The following NR3C1 variants were observed in gnomAD, a reference collection of about 807,000 sequenced individuals.
NR3C1 encodes the protein glucocorticoid receptor.
A neutral mutation model predicts 74.0 loss-of-function variants in NR3C1; 14 were observed. The observed-to-expected ratio is 0.19, with a 90% CI of 0.12 to 0.30. The LOEUF (loss-of-function observed/expected upper bound fraction) is 0.30, where lower values mean the gene tolerates loss of function less well. Ranked by LOEUF, NR3C1 falls within the 10% of genes least tolerant of loss-of-function variation. NR3C1 has a pLI of 1.00. For synonymous variants in NR3C1, 308 were observed against 332.5 expected, an observed-to-expected ratio of 0.93 and a Z score of 0.80; for missense variants, 695 against 909.8, an observed-to-expected ratio of 0.76 and a Z score of 3.04.
chr5:143,418,681 C>T (rs374774942), intron 1 of NR3C1, among the ~76,000 whole-genome samples: 46 of 152,202 alleles, frequency 3.0e-4, no homozygotes, highest in African/African-American at 1.0e-3. Context: ...AGGGAAGGCT[C>T]CTGGAGGAGG....
chr5:143,405,778 C>T (rs1407511165), upstream of NR3C1, among the ~76,000 whole-genome samples: 3 of 152,104 alleles, frequency 2.0e-5, no homozygotes, highest in African/African-American at 7.2e-5. Context: ...CCTTCTGGAC[C>T]CAGAAGGCAG....
intron 1 of NR3C1, among the ~76,000 whole-genome samples, chr5:143,423,384 G>A (rs989577610): frequency 3.9e-5 from 6 of 152,124 alleles, no homozygotes; most frequent in African/African-American, 1.4e-4. Flanking sequence ...AGAAATATAA[G>A]TCTAAACTAC....
rs749117158 is a variant in NR3C1, at chr5:143,400,462, A to G, written c.378T>C (p.Ile126=). 2.5e-6 allele frequency: 4 copies of G among 1,614,078 alleles called. No homozygotes were observed. Among genetic ancestry groups the G allele is most frequent in the East Asian group, 2.2e-5 (1 of 44,898 alleles). Residue 126 remains isoleucine, a synonymous_variant, in exon 2 of 9, where the codon ATT becomes ATC. Transcript: ENST00000394464. ...CACTGGTCGACCTATTGAGGTTTGC[A>G]ATGCTTTCTTCCAAAAGCTTTAAGT... The part of the protein sequence containing the change: ...ETDLKLLEES[I]ANLNRSTSVP...
intron 1 of NR3C1, among the ~76,000 whole-genome samples, chr5:143,422,528 G>A (rs1751290873): frequency 6.6e-6 from 1 of 152,168 alleles, no homozygotes; most frequent in African/African-American, 2.4e-5. Flanking sequence ...TTTGGGAGGT[G>A]ATTTGGTCAT....
chr5:143,364,989 G>A (rs1401942702), intron 2 of NR3C1, among the ~76,000 whole-genome samples: 2 of 152,192 alleles, frequency 1.3e-5, no homozygotes, highest in Non-Finnish European at 2.9e-5. Flanking sequence ...TTACAGGCAT[G>A]AGCCACTGTG....
intron 2 of NR3C1, among the ~76,000 whole-genome samples, chr5:143,379,246 T>C (rs1045271450): frequency 1.3e-5 from 2 of 152,214 alleles, no homozygotes; most frequent in East Asian, 3.8e-4. Context: ...GTTACATAAG[T>C]GCTTTGCATT....
At chr5:143,313,883 T>C in intron 3 of NR3C1, 119 bp downstream of exon 3, 1 of 1,025,196 alleles carries the variant, frequency 9.8e-7, no homozygotes, top group South Asian at 1.3e-5. Context: ...CACCCTCCTC[T>C]CCCCTCTTAA....
At position 143,348,557 on chromosome 5, in the gene NR3C1, C is replaced by T. The variant is rs551068790; in HGVS notation, c.1185-34389G>A. ...AGCTCTCAAACTGTAAACAAGTGTCCTTTTCATGGTAAATTTAGTGGCACA... is the reference window on the plus strand; with the variant it reads ...AGCTCTCAAACTGTAAACAAGTGTCTTTTTCATGGTAAATTTAGTGGCACA... On this transcript the variant is annotated intron_variant, in intron 2 of 8. Transcript: ENST00000394464. Among the ~76,000 whole-genome samples the T allele has an allele frequency of 5.9e-5, 9 of 152,262 alleles. No homozygotes were observed. In the South Asian group the frequency reaches 1.9e-3, roughly 32 times the overall value.
intron 2 of NR3C1, among the ~76,000 whole-genome samples, chr5:143,375,124 C>T (rs1834943831): frequency 6.6e-6 from 1 of 152,146 alleles, no homozygotes; most frequent in Admixed American, 6.5e-5. Context: ...CTGAGAAAGT[C>T]TAGTCATGCC....
chr5:143,279,521 G>C lies in NR3C1; in HGVS notation c.*2368C>G. ...TAGGCACCAAAAATTTATCCAGCCG[G>C]GTTACACACCATCTTAAAATATTAC... On this transcript the variant is annotated 3_prime_UTR_variant, in exon 9 of 9. Transcript: ENST00000394464. The C allele has an allele frequency of 9.6e-7, 1 of 1,040,346 alleles. No individual in the cohort carries two copies. The highest frequency in any genetic ancestry group is 2.1e-5 in the South Asian group (1 of 47,562). The allele number at this position is 1,040,346 out of a possible 1,614,324, so 64.4% of individuals were successfully genotyped here. A position where few individuals can be genotyped will look rare whatever the true frequency, so the allele number is the denominator to read the frequency against.
At chr5:143,323,724 G>A (rs1228504796) in intron 2 of NR3C1, among the ~76,000 whole-genome samples, 3 of 152,222 alleles carry the variant, frequency 2.0e-5, no homozygotes, top group East Asian at 3.9e-4. Context: ...TTCTGCCTAT[G>A]AGCCTATAAA....
At chr5:143,323,856 G>A (rs1823952454) in intron 2 of NR3C1, among the ~76,000 whole-genome samples, 1 of 152,072 alleles carries the variant, frequency 6.6e-6, no homozygotes, top group African/African-American at 2.4e-5. Flanking sequence ...AAACAAAGGG[G>A]TTACGGGGCC....
intron 3 of NR3C1, 103 bp downstream of exon 3, chr5:143,313,899 A>G: frequency 7.9e-7 from 1 of 1,268,814 alleles, no homozygotes; most frequent in South Asian, 1.2e-5. Context: ...CTTAACTGAT[A>G]TTTAGCCTTT....
chr5:143,309,954 G>A, intron 4 of NR3C1, 143 bp downstream of exon 4: 1 of 671,122 alleles, frequency 1.5e-6, no homozygotes, highest in Non-Finnish European at 2.6e-6. Flanking sequence ...CATTTTTATT[G>A]GGCAGTAACA....
chr5:143,334,973 A>G (rs1296597205), intron 2 of NR3C1, among the ~76,000 whole-genome samples: 1 of 152,234 alleles, frequency 6.6e-6, no homozygotes, highest in Non-Finnish European at 1.5e-5. Flanking sequence ...TCTGAAATGT[A>G]GCATAAAGCC....
chr5:143,301,661 C>G (rs1173348826), intron 4 of NR3C1, among the ~76,000 whole-genome samples: 1 of 152,098 alleles, frequency 6.6e-6, no homozygotes, highest in Non-Finnish European at 1.5e-5. Flanking sequence ...ATTGTTCTCT[C>G]AGAGGGAAAG....
At chr5:143,338,709 TAAA>T (rs796179945) in intron 2 of NR3C1, among the ~76,000 whole-genome samples, 1 of 152,104 alleles carries the variant, frequency 6.6e-6, no homozygotes, top group African/African-American at 2.4e-5. Flanking sequence ...GTTTACAAAG[TAAA>T]AAAGTTACAG....
intron 2 of NR3C1, among the ~76,000 whole-genome samples, chr5:143,358,320 G>A (rs1282602920): frequency 6.6e-6 from 1 of 152,190 alleles, no homozygotes; most frequent in African/African-American, 2.4e-5. Context: ...TACATTAAAA[G>A]CAAGTTTTCC....
intron 1 of NR3C1, among the ~76,000 whole-genome samples, chr5:143,417,672 C>A (rs1348760924): frequency 6.6e-6 from 1 of 152,106 alleles, no homozygotes; most frequent in East Asian, 1.9e-4. Context: ...TGTAGGCACA[C>A]CCCAAGCAGA....
Sources: gnomAD v4.1 joint callset for allele counts (sites outside exome capture counted in the v4.1 genomes callset) on GRCh38, gnomAD v4.1.1 for gene constraint, MANE v1.5 for transcripts, NCBI Gene and HGNC (gene_info 2026-07-23, HGNC 2026-07-21) for gene names.